SRPK2: variants seen among roughly 807,000 people sequenced by gnomAD.
SRPK2 encodes the protein SFRS protein kinase 2.
In SRPK2, 21 loss-of-function variants were observed where a neutral mutation model predicts 90.8. That is an observed-to-expected ratio of 0.23 (90% CI 0.16 to 0.33). The LOEUF (loss-of-function observed/expected upper bound fraction) is 0.33. SRPK2 is among the 10% of genes least tolerant of loss of function. The probability of loss-of-function intolerance (pLI) is 1.00; values close to 1 mark genes in which losing one functional copy is unlikely to be tolerated. For synonymous variants in SRPK2, 288 were observed against 311.1 expected (o/e 0.93, Z 0.78); for missense variants, 620 against 869.0 (o/e 0.71, Z 3.60).
Position 105,142,172 on chromosome 7 carries a change from T to C in SRPK2, c.1379A>G (p.Gln460Arg). ...PNGRHKIPES[Q>R]FPEFSTSLFS... ...CAACGAGGTGGAAAACTCTGGGAAC[T>C]GTGACTCGGGAATTTTATGTCGTCC... The change falls in exon 11 of 16, where the codon CAG (glutamine) becomes CGG (arginine). Residue 460 changes from glutamine to arginine, a missense_variant. By Grantham distance (43) the Gln-to-Arg change is conservative. Transcript: ENST00000393651. The C allele has an allele frequency of 6.2e-7, 1 of 1,614,190 alleles. No homozygotes were observed. The highest frequency in any genetic ancestry group is 1.1e-5 in the South Asian group (1 of 91,082).
At chr7:105,149,403 T>C (rs1428505352) in intron 7 of SRPK2, among the ~76,000 whole-genome samples, 2 of 152,170 alleles carry the variant, frequency 1.3e-5, no homozygotes, top group Admixed American at 1.3e-4. Flanking sequence ...ATTGCTCACG[T>C]GTTTGTTGCT....
intron 2 of SRPK2, among the ~76,000 whole-genome samples, chr7:105,363,866 G>C (rs1338500746): frequency 1.3e-5 from 2 of 152,180 alleles, no homozygotes; most frequent in African/African-American, 4.8e-5. Context: ...AAAAAAGGAT[G>C]AGTTCATGTG....
chr7:105,381,225 C>A (rs1245845140), intron 2 of SRPK2, among the ~76,000 whole-genome samples: 3 of 149,806 alleles, frequency 2.0e-5, no homozygotes, highest in African/African-American at 4.9e-5. Context: ...GTCTGGGTGA[C>A]AGAGCAAGAC....
chr7:105,315,227 T>C (rs536241197), intron 2 of SRPK2, among the ~76,000 whole-genome samples: 2 of 152,316 alleles, frequency 1.3e-5, no homozygotes, highest in Non-Finnish European at 2.9e-5. Context: ...TTCTGGAAAT[T>C]TTTATTTTAC....
chr7:105,222,758 ACCAGCCATTT>A (rs1465109783), intron 2 of SRPK2, among the ~76,000 whole-genome samples: 4 of 152,180 alleles, frequency 2.6e-5, no homozygotes, highest in Non-Finnish European at 4.4e-5. Flanking sequence ...ATATAACCAC[ACCAGCCATTT>A]ACTATAAAGT....
At chr7:105,247,878 T>G (rs1801922960) in intron 2 of SRPK2, among the ~76,000 whole-genome samples, 1 of 151,828 alleles carries the variant, frequency 6.6e-6, no homozygotes, top group Non-Finnish European at 1.5e-5. Flanking sequence ...AATCTTTTTT[T>G]TTTTTTTTTG....
At chr7:105,320,487 C>T (rs1812815752) in intron 2 of SRPK2, among the ~76,000 whole-genome samples, 1 of 152,186 alleles carries the variant, frequency 6.6e-6, no homozygotes, top group Non-Finnish European at 1.5e-5. Context: ...TACACATTTT[C>T]AGAAACAGCA....
chr7:105,325,486 C>CAAAAAA (rs33959633), intron 2 of SRPK2, among the ~76,000 whole-genome samples: 7 of 86,092 alleles, frequency 8.1e-5, no homozygotes, highest in Admixed American at 1.6e-4. Context: ...ACCAAGTCTT[C>CAAAAAA]AAAAAAAAAA....
At chr7:105,235,389 A>C (rs1799996486) in intron 2 of SRPK2, among the ~76,000 whole-genome samples, 1 of 152,220 alleles carries the variant, frequency 6.6e-6, no homozygotes, top group Non-Finnish European at 1.5e-5. Flanking sequence ...TGTACTCATC[A>C]GTAAAGCCAT....
intron 1 of SRPK2, among the ~76,000 whole-genome samples, chr7:105,397,398 C>T (rs537640419): frequency 9.3e-4 from 140 of 149,952 alleles, no homozygotes; most frequent in African/African-American, 3.4e-3. Flanking sequence ...GGCATGATCT[C>T]GCCTCACTGC....
chr7:105,321,282 G>A (rs1812907022), intron 2 of SRPK2, among the ~76,000 whole-genome samples: 1 of 152,148 alleles, frequency 6.6e-6, no homozygotes, highest in Non-Finnish European at 1.5e-5. Context: ...GCAGAAAAAT[G>A]AGGCTGGACC....
At chr7:105,218,782 T>C (rs972269454) in intron 2 of SRPK2, among the ~76,000 whole-genome samples, 6 of 152,198 alleles carry the variant, frequency 3.9e-5, no homozygotes, top group African/African-American at 1.4e-4. Context: ...AAGGGAGTTA[T>C]AATTTAAGCA....
At chr7:105,216,254 T>C (rs143852814) in intron 2 of SRPK2, among the ~76,000 whole-genome samples, 1 of 152,234 alleles carries the variant, frequency 6.6e-6, no homozygotes, top group East Asian at 1.9e-4. Flanking sequence ...ATATACACAC[T>C]GATGAATAAA....
At chr7:105,211,876 G>A (rs1353297000) in intron 2 of SRPK2, among the ~76,000 whole-genome samples, 2 of 152,204 alleles carry the variant, frequency 1.3e-5, no homozygotes, top group Non-Finnish European at 2.9e-5. Context: ...AAGGATGTAA[G>A]TAAATCAGAC....
chr7:105,296,993 G>T (rs1585594328), intron 2 of SRPK2, among the ~76,000 whole-genome samples: 1 of 152,246 alleles, frequency 6.6e-6, no homozygotes, highest in East Asian at 1.9e-4. Flanking sequence ...TTTACAGCAG[G>T]TTCAGAATAA....
intron 2 of SRPK2, among the ~76,000 whole-genome samples, chr7:105,283,339 A>T (rs1225042486): frequency 2.0e-5 from 3 of 152,252 alleles, no homozygotes; most frequent in African/African-American, 4.8e-5. Flanking sequence ...AAAAACTTGT[A>T]CACAAATGTT....
chr7:105,124,352 A>G (rs1381157213), intron 15 of SRPK2, among the ~76,000 whole-genome samples: 2 of 152,126 alleles, frequency 1.3e-5, no homozygotes, highest in Non-Finnish European at 2.9e-5. Context: ...AAAGACAAAT[A>G]AATGCACAGC....
chr7:105,379,201 T>C (rs1030666332), intron 2 of SRPK2, among the ~76,000 whole-genome samples: 1 of 151,796 alleles, frequency 6.6e-6, no homozygotes, highest in Non-Finnish European at 1.5e-5. Flanking sequence ...CTGTGGACTC[T>C]GCATCCATAG....
chr7:105,218,111 A>C (rs879072443), intron 2 of SRPK2, among the ~76,000 whole-genome samples: 1 of 152,342 alleles, frequency 6.6e-6, no homozygotes, highest in Admixed American at 6.5e-5. Flanking sequence ...TATGGCAGCA[A>C]GAAAGGGCTC....
Sources: allele counts gnomAD v4.1 joint callset (sites outside exome capture counted in the v4.1 genomes callset), GRCh38; gene constraint gnomAD v4.1.1; transcripts MANE v1.5; gene names NCBI Gene and HGNC (gene_info 2026-07-23, HGNC 2026-07-21).